Variants in DAB2IP observed in about 807,000 individuals in gnomAD.
DAB2IP encodes the protein DAB2 interacting protein.
A neutral mutation model predicts 107.2 loss-of-function variants in DAB2IP; 28 were observed. The ratio of observed to expected loss-of-function variants is 0.26; its 90% CI spans 0.19 to 0.36. The LOEUF (loss-of-function observed/expected upper bound fraction) is 0.36, where lower values mean the gene tolerates loss of function less well. Ranked by LOEUF, DAB2IP falls within the 10% of genes least tolerant of loss-of-function variation. The pLI, the probability that DAB2IP is intolerant of heterozygous loss-of-function variation, is 1.00. For missense variants in DAB2IP, 1,400 were observed against 1,644.7 expected, an observed-to-expected ratio of 0.85 and a Z score of 2.57; for synonymous variants, 755 against 706.4, an observed-to-expected ratio of 1.07 and a Z score of -1.09.
intron 1 of DAB2IP, among the ~76,000 whole-genome samples, chr9:121,589,968 C>CCCTTCCCTTCCCTTT (rs1830393558): frequency 1.3e-5 from 1 of 75,070 alleles, no homozygotes; most frequent in Non-Finnish European, 2.8e-5. Flanking sequence ...CCCTTCCCTT[C>CCCTTCCCTTCCCTTT]CCTTCCCTTC....
Position 121,772,561 on chromosome 9 carries a change from T to G in DAB2IP, c.2079-46T>G. ...GGACCCGCCTTGGCTGCACTCACAG[T>G]TCTTCTTTTCCCCTTCTTTCCCTGT... On this transcript the variant is annotated intron_variant, in intron 11 of 15. Transcript: ENST00000408936. The surrounding 1 kb of genome is among the most constrained non-coding windows in gnomAD (Gnocchi z 4.7). The G allele has an allele frequency of 1.9e-6, 3 of 1,563,446 alleles. No homozygotes were observed. The highest frequency in any genetic ancestry group is 2.6e-6 in the Non-Finnish European group (3 of 1,150,406).
chr9:121,715,339 TTTTC>T lies in DAB2IP; in HGVS notation c.362+15893_362+15896del, dbSNP rs757296483. On this transcript the variant is annotated intron_variant, in intron 3 of 15. Transcript: ENST00000408936. ...GTGACTTGGGTAGTTTTCTTTTTCTTTTTCTTTCTTTCTTTTTTTTTTTTTTGAG... is the reference window on the plus strand; with the variant it reads ...GTGACTTGGGTAGTTTTCTTTTTCTTTTTCTTTCTTTTTTTTTTTTTTGAG... Among the ~76,000 whole-genome samples the T allele has an allele frequency of 2.6e-4, 39 of 150,850 alleles. No homozygotes were observed. The East Asian group carries it at 4.1e-3, about 16-fold the overall frequency.
At chr9:121,632,958 T>C (rs896203876) in intron 1 of DAB2IP, among the ~76,000 whole-genome samples, 1 of 152,188 alleles carries the variant, frequency 6.6e-6, no homozygotes, top group African/African-American at 2.4e-5. Context: ...CCATATGCAC[T>C]TTCCCCTAGA....
At chr9:121,722,544 G>A (rs1831000575) in intron 3 of DAB2IP, among the ~76,000 whole-genome samples, 2 of 152,144 alleles carry the variant, frequency 1.3e-5, no homozygotes, top group African/African-American at 4.8e-5. Flanking sequence ...AACTTTCATT[G>A]AGCCCCTGCT....
At chr9:121,769,092 G>A (rs1315970574) in intron 10 of DAB2IP, among the ~76,000 whole-genome samples, 1 of 152,176 alleles carries the variant, frequency 6.6e-6, no homozygotes, top group African/African-American at 2.4e-5. Context: ...GTCACCTGAA[G>A]TGAGCCCTCC....
chr9:121,697,528 C>T (rs941028286), intron 2 of DAB2IP, among the ~76,000 whole-genome samples: 2 of 152,194 alleles, frequency 1.3e-5, no homozygotes, highest in South Asian at 2.1e-4. Flanking sequence ...GAGCCTAGTG[C>T]TCTCCTGACC....
chr9:121,782,338 G>C lies in DAB2IP; in HGVS notation c.3410G>C (p.Arg1137Pro). Residue 1137 changes from arginine (R) to proline (P), a missense_variant, in exon 16 of 16, where the codon CGC (arginine) becomes CCC (proline). Arg to Pro is a moderately radical substitution (Grantham distance 103). This residue lies in a region of DAB2IP where 600 missense variants were observed against 659.1 expected (regional missense o/e 0.91). Coordinates refer to ENST00000408936, the Ensembl canonical transcript of DAB2IP. This position sits in a 1 kb window ranked among gnomAD's most constrained non-coding sequence, Gnocchi z 6.1. ...CATCCCCATTGTCCACAGGAGAAGC[G>C]CATTGCCTCGTTGGATGCCGCCAAT... 6.2e-7 allele frequency: 1 copy of C among 1,613,786 alleles called. No homozygotes were observed. The highest frequency in any genetic ancestry group is 8.5e-7 in the Non-Finnish European group (1 of 1,179,814).
rs199732967 is a variant in DAB2IP at position 121,772,792 on chromosome 9, G to A, written c.2264G>A (p.Arg755His). The A allele has an allele frequency of 1.1e-4, 184 of 1,612,424 alleles. No homozygotes were observed. In the Middle Eastern group the frequency reaches 2.1e-3, roughly 19 times the overall value. The change falls in exon 12 of 16, where the codon CGC (arginine) becomes CAC (histidine). Residue 755 changes from arginine to histidine, a missense_variant. This residue lies in a region of DAB2IP where 600 missense variants were observed against 659.1 expected (regional missense o/e 0.91). Coordinates refer to ENST00000408936, the Ensembl canonical transcript of DAB2IP. The surrounding 1 kb of genome is among the most constrained non-coding windows in gnomAD (Gnocchi z 4.7). Reference sequence around the variant, plus strand: ...TCCATGGTGGACCTCCAGGACGCCCGCACGCTGGATGGGGAGGCAGGCTCC... The same window carrying A: ...TCCATGGTGGACCTCCAGGACGCCCACACGCTGGATGGGGAGGCAGGCTCC...
chr9:121,591,893 G>A (rs1382749738), intron 1 of DAB2IP, among the ~76,000 whole-genome samples: 1 of 152,210 alleles, frequency 6.6e-6, no homozygotes, highest in Non-Finnish European at 1.5e-5. Flanking sequence ...GGTAGCCAAG[G>A]AGGAGAAGTG....
Position 121,633,933 on chromosome 9 carries a change from C to G in DAB2IP, c.41-44745C>G, listed in dbSNP as rs561978850. Among the ~76,000 whole-genome samples the G allele has an allele frequency of 6.6e-6, 1 of 152,214 alleles. No individual in the cohort carries two copies. Among genetic ancestry groups the G allele is most frequent in the Non-Finnish European group, 1.5e-5 (1 of 68,030 alleles). The stretch of plus-strand genomic sequence containing the variant: ...ATTCAAAGGCTTGGCCCAGATGCCA[C>G]CTCCTCTGTGAAGCCTTTCTTGATT... On this transcript the variant is annotated intron_variant, in intron 1 of 16. Transcript: ENST00000259371. This position sits in a 1 kb window ranked among gnomAD's most constrained non-coding sequence, Gnocchi z 5.1.
At chr9:121,707,785 C>G (rs1343364224) in intron 3 of DAB2IP, among the ~76,000 whole-genome samples, 2 of 152,212 alleles carry the variant, frequency 1.3e-5, no homozygotes, top group Non-Finnish European at 2.9e-5. Flanking sequence ...AGATTGTTAG[C>G]AGGTGAAGGA....
At chr9:121,734,337 A>G (rs1207121030) in intron 3 of DAB2IP, among the ~76,000 whole-genome samples, 5 of 149,964 alleles carry the variant, frequency 3.3e-5, no homozygotes, top group African/African-American at 1.0e-4. Context: ...AGATTGCGCC[A>G]TTGCAGTCCG....
intron 1 of DAB2IP, among the ~76,000 whole-genome samples, chr9:121,612,598 C>T (rs1033400672): frequency 2.6e-5 from 4 of 152,242 alleles, no homozygotes; most frequent in Non-Finnish European, 4.4e-5. Flanking sequence ...TGGGGCAGGG[C>T]GGAACTCCAA....
chr9:121,637,138 C>A (rs1832117915), intron 1 of DAB2IP, among the ~76,000 whole-genome samples: 1 of 152,234 alleles, frequency 6.6e-6, no homozygotes, highest in African/African-American at 2.4e-5. Context: ...TATTTGCTTC[C>A]TGGAGGAGCC....
At chr9:121,709,387 C>A (rs1421164895) in intron 3 of DAB2IP, among the ~76,000 whole-genome samples, 1 of 152,184 alleles carries the variant, frequency 6.6e-6, no homozygotes, top group Non-Finnish European at 1.5e-5. Flanking sequence ...ACCCACTGCC[C>A]GTGAGTGGCC....
intron 1 of DAB2IP, among the ~76,000 whole-genome samples, chr9:121,613,387 C>A (rs1282202019): frequency 6.6e-6 from 1 of 152,188 alleles, no homozygotes; most frequent in Admixed American, 6.5e-5. Flanking sequence ...GTATTTATAT[C>A]CTTGCTGGAA....
At chr9:121,768,675 A>AT (rs1834476802) in intron 10 of DAB2IP, 42 bp downstream of exon 10, 2 of 1,607,646 alleles carry the variant, frequency 1.2e-6, no homozygotes, top group African/African-American at 1.3e-5. Flanking sequence ...AAAAGCTGCC[A>AT]TCAGGCTTTT....
intron 5 of DAB2IP, 134 bp from the exon 6 acceptor site, chr9:121,759,751 A>G: frequency 1.4e-6 from 1 of 727,938 alleles, no homozygotes. Context: ...ATCCTGACTT[A>G]GGGCCTAGGC....
At chr9:121,687,789 AG>A (rs1828957880) in intron 2 of DAB2IP, among the ~76,000 whole-genome samples, 2 of 152,298 alleles carry the variant, frequency 1.3e-5, no homozygotes, top group Non-Finnish European at 2.9e-5. Flanking sequence ...GAGATAGCTG[AG>A]GGTGGCTCCT....
Sources: gnomAD v4.1 joint callset for allele counts (sites outside exome capture counted in the v4.1 genomes callset) on GRCh38, gnomAD v4.1.1 for gene constraint, gnomAD v4.1.1 regional missense constraint, Gnocchi (gnomAD v3.1) non-coding constraint, MANE v1.5 for transcripts, NCBI Gene and HGNC (gene_info 2026-07-23, HGNC 2026-07-21) for gene names.